Variants in FSTL5 observed in about 807,000 individuals in gnomAD.
FSTL5 encodes follistatin-related protein 5.
FSTL5 carries 62 observed loss-of-function variants against 89.1 expected under a neutral mutation model. The ratio of observed to expected loss-of-function variants is 0.70; its 90% confidence interval spans 0.57 to 0.86. FSTL5 has a LOEUF of 0.86. Among genes scored for constraint, FSTL5 ranks in the 40% least tolerant of loss-of-function variants. FSTL5 has a pLI of 0.00. For missense variants in FSTL5, 1,057 were observed against 1,001.6 expected (o/e 1.06, Z -0.75); for synonymous variants, 383 against 346.2 (o/e 1.11, Z -1.18).
At position 161,818,838 on chromosome 4, in the gene FSTL5, G is replaced by A. The variant is rs141614881; in HGVS notation, c.410-42764C>T. 6.0e-4 allele frequency among the ~76,000 whole-genome samples: 91 copies of A among 152,052 alleles called. 1 individual carries two copies. Among genetic ancestry groups the A allele is most frequent in the African/African-American group, 2.0e-3 (84 of 41,460 alleles). ...GTATGATTTCTGTATCTACAGATAG[G>A]TGTCTTTTAAAAGTGTTTTTGCATT... On this transcript the variant is annotated intron_variant, in intron 4 of 15. Coordinates refer to ENST00000306100, the MANE Select transcript of FSTL5 (RefSeq NM_020116.5).
At chr4:161,652,168 G>C (rs1736363971) in intron 7 of FSTL5, among the ~76,000 whole-genome samples, 1 of 152,138 alleles carries the variant, frequency 6.6e-6, no homozygotes, top group Admixed American at 6.6e-5. Flanking sequence ...TGGACATGGT[G>C]AATCATGCCT....
intron 2 of FSTL5, among the ~76,000 whole-genome samples, chr4:162,098,762 A>G (rs1236421817): frequency 6.6e-6 from 1 of 152,098 alleles, no homozygotes; most frequent in Non-Finnish European, 1.5e-5. Flanking sequence ...GTCCAGAAAT[A>G]AAATCACATA....
Position 162,067,410 on chromosome 4 carries a change from G to A in FSTL5, c.127-33752C>T, listed in dbSNP as rs181300403. Among the ~76,000 whole-genome samples, 6 of 152,088 alleles carry A rather than the reference G, an allele frequency of 3.9e-5. No homozygotes were observed. The East Asian group carries it at 9.7e-4, about 25-fold the overall frequency. On this transcript the variant is annotated intron_variant, in intron 2 of 15. Transcript: ENST00000306100. Reference sequence around the variant, plus strand: ...AGATGGGCATTTGGGTTGATTCCATGTTTTTGCTATTGTGAATTATGCTGC... The same window carrying A: ...AGATGGGCATTTGGGTTGATTCCATATTTTTGCTATTGTGAATTATGCTGC...
intron 8 of FSTL5, among the ~76,000 whole-genome samples, chr4:161,566,156 C>T (rs116589255): frequency 0.011 from 1,138 of 102,756 alleles, 20 homozygotes; most frequent in African/African-American, 0.042. Flanking sequence ...ACACACACAC[C>T]GTGGAATGCT....
At position 162,163,832 on chromosome 4, in the gene FSTL5, C is replaced by T. The variant is rs1733791786; in HGVS notation, c.-234G>A. 6 of 152,252 alleles carry T rather than the reference C, an allele frequency of 3.9e-5. No homozygotes were observed. In the South Asian group the frequency reaches 1.2e-3, roughly 31 times the overall value. 9.4% of individuals were successfully genotyped at this position (152,252 alleles called of 1,614,324 possible). A position where few individuals can be genotyped will look rare whatever the true frequency, so the allele number is the denominator to read the frequency against. ...CACGTCCGATACCACACTCCTTTGTCAAGTTGATATGGGTCCTGTTGGTGA... is the reference window on the plus strand; with the variant it reads ...CACGTCCGATACCACACTCCTTTGTTAAGTTGATATGGGTCCTGTTGGTGA... On this transcript the variant is annotated 5_prime_UTR_variant, in exon 1 of 16. Transcript: ENST00000306100.
At chr4:161,703,275 A>G (rs564487142) in intron 6 of FSTL5, among the ~76,000 whole-genome samples, 55 of 152,236 alleles carry the variant, frequency 3.6e-4, no homozygotes, top group Non-Finnish European at 6.5e-4. Flanking sequence ...TGCCTCTCCC[A>G]AGCCTGTTCC....
At chr4:161,594,963 A>G (rs1440118388) in intron 7 of FSTL5, among the ~76,000 whole-genome samples, 4 of 152,194 alleles carry the variant, frequency 2.6e-5, no homozygotes, top group African/African-American at 9.6e-5. Context: ...ACTAAAATAT[A>G]CTGATGTTGA....
At chr4:161,784,506 T>C (rs1741810533) in intron 4 of FSTL5, among the ~76,000 whole-genome samples, 1 of 152,158 alleles carries the variant, frequency 6.6e-6, no homozygotes, top group African/African-American at 2.4e-5. Context: ...TTAGTGCTCT[T>C]TAACACTAAA....
At chr4:161,900,703 T>C (rs1359778601) in intron 4 of FSTL5, among the ~76,000 whole-genome samples, 1 of 142,714 alleles carries the variant, frequency 7.0e-6, no homozygotes, top group African/African-American at 2.6e-5. Flanking sequence ...ATGGCAGACC[T>C]AAAGTCATTG....
intron 7 of FSTL5, among the ~76,000 whole-genome samples, chr4:161,598,638 AATAG>A (rs1362186229): frequency 6.6e-6 from 1 of 152,152 alleles, no homozygotes; most frequent in Non-Finnish European, 1.5e-5. Flanking sequence ...TGTCCCAAGA[AATAG>A]ATAAATGACA....
At chr4:161,399,192 C>T (rs1731099648) in intron 15 of FSTL5, among the ~76,000 whole-genome samples, 1 of 151,914 alleles carries the variant, frequency 6.6e-6, no homozygotes, top group Admixed American at 6.6e-5. Flanking sequence ...ACAGCTGACC[C>T]CTTAACAACA....
chr4:161,922,755 C>T (rs909276051), intron 3 of FSTL5, among the ~76,000 whole-genome samples: 6 of 151,806 alleles, frequency 4.0e-5, no homozygotes, highest in South Asian at 2.1e-4. Context: ...GAAGTTAATG[C>T]TATCATCAAA....
chr4:161,420,611 A>G lies in FSTL5; in HGVS notation c.1842-34162T>C, dbSNP rs139694924. On this transcript the variant is annotated intron_variant, in intron 15 of 15. Coordinates refer to ENST00000306100, the MANE Select transcript of FSTL5 (RefSeq NM_020116.5). ...AGTAAAAGCCAATACCTGATAATAAATCTCTTCATATAGTCATATATTCAA... is the reference window on the plus strand; with the variant it reads ...AGTAAAAGCCAATACCTGATAATAAGTCTCTTCATATAGTCATATATTCAA... Among the ~76,000 whole-genome samples the G allele has an allele frequency of 2.6e-5, 4 of 151,798 alleles. 1 individual carries two copies. The highest frequency in any genetic ancestry group is 9.6e-5 in the African/African-American group (4 of 41,494).
At position 161,542,654 on chromosome 4, in the gene FSTL5, C is replaced by G. The variant is rs200663952; in HGVS notation, c.1055G>C (p.Arg352Thr). The change falls in exon 9 of 16, where the codon AGA becomes ACA. Residue 352 changes from arginine (R) to threonine (T), a missense_variant. By Grantham distance (71) the Arg-to-Thr change is moderately conservative (BLOSUM62 -1). Transcript: ENST00000306100. The stretch of plus-strand genomic sequence containing the variant: ...AAGACTGGCAGTTACCCCAGGCTCT[C>G]TAGCCTGACTCTCTGGATACACCCG... ...VIRVYPESQA[R>T]EPGVTASLRC... is the part of the protein sequence containing the mutation. The G allele has an allele frequency of 1.2e-5, 19 of 1,542,606 alleles. No homozygotes were observed. The highest frequency in any genetic ancestry group is 6.9e-5 in the African/African-American group (5 of 72,276).
At chr4:162,104,544 C>T (rs1460280495) in intron 2 of FSTL5, among the ~76,000 whole-genome samples, 2 of 151,834 alleles carry the variant, frequency 1.3e-5, no homozygotes, top group South Asian at 2.1e-4. Context: ...TACAACAGAC[C>T]TGGTGTTCTT....
chr4:161,719,367 A>AT (rs1202073931), intron 6 of FSTL5, among the ~76,000 whole-genome samples: 5 of 152,148 alleles, frequency 3.3e-5, no homozygotes, highest in Admixed American at 2.6e-4. Flanking sequence ...TTTTAATGGC[A>AT]TTTTTTGACA....
At chr4:161,900,849 G>A (rs751010411) in intron 4 of FSTL5, among the ~76,000 whole-genome samples, 2 of 151,802 alleles carry the variant, frequency 1.3e-5, no homozygotes, top group South Asian at 2.1e-4. Context: ...GGATTATTAC[G>A]CTTATTACCA....
intron 4 of FSTL5, among the ~76,000 whole-genome samples, chr4:161,820,425 C>CATAT (rs1161473458): frequency 2.6e-5 from 4 of 152,132 alleles, no homozygotes; most frequent in Admixed American, 2.0e-4. Flanking sequence ...TGAACACACA[C>CATAT]ATATATACAC....
chr4:161,963,665 T>C (rs1735243073), intron 3 of FSTL5, among the ~76,000 whole-genome samples: 1 of 152,018 alleles, frequency 6.6e-6, no homozygotes. Context: ...TACAAAGAGT[T>C]ATAAAAGATT....
Sources: gnomAD v4.1 joint callset for allele counts (sites outside exome capture counted in the v4.1 genomes callset) on GRCh38, gnomAD v4.1.1 for gene constraint, MANE v1.5 for transcripts, NCBI Gene and HGNC (gene_info 2026-07-23, HGNC 2026-07-21) for gene names.